CNTN5: variants seen among roughly 807,000 people sequenced by gnomAD.
CNTN5 encodes the protein contactin-5.
Under a neutral mutation model 129.1 loss-of-function variants are expected in CNTN5, and 77 were observed. The ratio of observed to expected loss-of-function variants is 0.60; its 90% CI spans 0.50 to 0.72. The LOEUF (loss-of-function observed/expected upper bound fraction) is 0.72. Ranked by LOEUF, CNTN5 falls within the 30% of genes least tolerant of loss-of-function variation. CNTN5 has a pLI of 0.00. For synonymous variants in CNTN5, 509 were observed against 465.6 expected, an observed-to-expected ratio of 1.09 and a Z score of -1.20; for missense variants, 1,478 against 1,328.8, an observed-to-expected ratio of 1.11 and a Z score of -1.75.
At chr11:100,136,855 A>G (rs1041003167) in intron 13 of CNTN5, among the ~76,000 whole-genome samples, 1 of 151,860 alleles carries the variant, frequency 6.6e-6, no homozygotes, top group African/African-American at 2.4e-5. Flanking sequence ...ATAATATGTC[A>G]TTTTATTTCA....
intron 2 of CNTN5, among the ~76,000 whole-genome samples, chr11:99,385,961 T>C (rs1940900255): frequency 6.6e-6 from 1 of 152,204 alleles, no homozygotes; most frequent in South Asian, 2.1e-4. Flanking sequence ...TGGAAAGACT[T>C]AGAGAAATTT....
chr11:99,178,981 C>T (rs1857915215), intron 1 of CNTN5, among the ~76,000 whole-genome samples: 1 of 151,914 alleles, frequency 6.6e-6, no homozygotes, highest in South Asian at 2.1e-4. Flanking sequence ...AACATAAATA[C>T]ACACAGAGAT....
At chr11:99,744,253 C>T (rs1238209160) in intron 3 of CNTN5, among the ~76,000 whole-genome samples, 1 of 151,906 alleles carries the variant, frequency 6.6e-6, no homozygotes, top group Non-Finnish European at 1.5e-5. Flanking sequence ...AGAGGAGAGA[C>T]AAGTATTAAC....
chr11:100,076,279 C>T (rs949895424), intron 13 of CNTN5, among the ~76,000 whole-genome samples: 1 of 151,954 alleles, frequency 6.6e-6, no homozygotes, highest in East Asian at 1.9e-4. Flanking sequence ...AAATGCATGA[C>T]TTTGTTTTAT....
At chr11:99,136,389 A>G (rs1244421867) in intron 1 of CNTN5, among the ~76,000 whole-genome samples, 2 of 152,162 alleles carry the variant, frequency 1.3e-5, no homozygotes, top group African/African-American at 2.4e-5. Flanking sequence ...CTCCTAAAGT[A>G]TATATCCCAA....
At chr11:99,756,038 G>A (rs1336016387) in intron 3 of CNTN5, among the ~76,000 whole-genome samples, 1 of 152,056 alleles carries the variant, frequency 6.6e-6, no homozygotes, top group East Asian at 1.9e-4. Context: ...CTGGAAGGTA[G>A]AAAAGTTGAC....
intron 1 of CNTN5, among the ~76,000 whole-genome samples, chr11:99,300,567 T>G (rs937646794): frequency 6.6e-6 from 1 of 152,112 alleles, no homozygotes; most frequent in African/African-American, 2.4e-5. Context: ...GATATTTGCC[T>G]GTAGTTTCTT....
At position 99,631,485 on chromosome 11, in the gene CNTN5, C is replaced by T. The variant is rs986829056; in HGVS notation, c.55+75216C>T. Among the ~76,000 whole-genome samples, 9 of 151,840 alleles carry T rather than the reference C, an allele frequency of 5.9e-5. No homozygotes were observed. In the East Asian group the frequency reaches 1.4e-3, roughly 23 times the overall value. ...AACATTATTGAAAATAATTATAATGCTGAAAATTGTAGTTAAACCAAACTG... is the reference window on the plus strand; with the variant it reads ...AACATTATTGAAAATAATTATAATGTTGAAAATTGTAGTTAAACCAAACTG... On this transcript the variant is annotated intron_variant, in intron 3 of 24. Transcript: ENST00000524871.
chr11:99,552,381 G>C (rs1948521030), intron 2 of CNTN5, among the ~76,000 whole-genome samples: 1 of 151,954 alleles, frequency 6.6e-6, no homozygotes, highest in African/African-American at 2.4e-5. Context: ...TGCTTCCATG[G>C]ATATGACATT....
chr11:99,184,771 G>T (rs1858254697), intron 1 of CNTN5, among the ~76,000 whole-genome samples: 1 of 151,994 alleles, frequency 6.6e-6, no homozygotes, highest in Non-Finnish European at 1.5e-5. Flanking sequence ...GGAAAATAAA[G>T]TAGCTGGTTG....
intron 2 of CNTN5, among the ~76,000 whole-genome samples, chr11:99,422,518 T>TTATA (rs71046684): frequency 3.2e-4 from 27 of 83,314 alleles, no homozygotes; most frequent in South Asian, 7.3e-4. Flanking sequence ...CTTTATATTT[T>TTATA]TATATATATA....
At chr11:99,229,659 G>C (rs1427155533) in intron 1 of CNTN5, among the ~76,000 whole-genome samples, 1 of 151,956 alleles carries the variant, frequency 6.6e-6, no homozygotes, top group Non-Finnish European at 1.5e-5. Flanking sequence ...TAAACATTTA[G>C]AGGAAATCAC....
intron 13 of CNTN5, among the ~76,000 whole-genome samples, chr11:100,107,785 C>CAAAG (rs1565247024): frequency 6.6e-6 from 1 of 151,942 alleles, no homozygotes; most frequent in East Asian, 1.9e-4. Context: ...TTCTTATTTT[C>CAAAG]AAAGACCTAC....
chr11:99,433,037 G>T (rs947519187), intron 2 of CNTN5, among the ~76,000 whole-genome samples: 1 of 151,300 alleles, frequency 6.6e-6, no homozygotes, highest in Non-Finnish European at 1.5e-5. Flanking sequence ...AGGTTTAGTG[G>T]ACTGTGTAGA....
intron 3 of CNTN5, among the ~76,000 whole-genome samples, chr11:99,575,971 C>T (rs1002611275): frequency 6.6e-6 from 1 of 152,174 alleles, no homozygotes; most frequent in Non-Finnish European, 1.5e-5. Context: ...TGGACAACTA[C>T]CACACAGAGG....
chr11:99,157,678 A>T (rs1358578471), intron 1 of CNTN5, among the ~76,000 whole-genome samples: 1 of 152,164 alleles, frequency 6.6e-6, no homozygotes, highest in Non-Finnish European at 1.5e-5. Context: ...CCATGTCTCT[A>T]TGTTAACTTT....
intron 3 of CNTN5, among the ~76,000 whole-genome samples, chr11:99,746,747 G>A (rs1474194755): frequency 1.3e-5 from 2 of 152,154 alleles, no homozygotes; most frequent in African/African-American, 4.8e-5. Context: ...TGTCTTCGAC[G>A]AAACCAGCCC....
At chr11:100,022,069 C>T (rs1304152018) in intron 9 of CNTN5, among the ~76,000 whole-genome samples, 2 of 152,128 alleles carry the variant, frequency 1.3e-5, no homozygotes, top group Admixed American at 6.6e-5. Flanking sequence ...GGGTCTTCCT[C>T]TCCCAGTCCA....
At chr11:99,907,874 A>C (rs1242660748) in intron 6 of CNTN5, among the ~76,000 whole-genome samples, 1 of 152,086 alleles carries the variant, frequency 6.6e-6, no homozygotes, top group East Asian at 1.9e-4. Context: ...AATTATCAAA[A>C]TATAACATAT....
Sources: allele counts gnomAD v4.1 joint callset (sites outside exome capture counted in the v4.1 genomes callset), GRCh38; gene constraint gnomAD v4.1.1; transcripts MANE v1.5; gene names NCBI Gene and HGNC (gene_info 2026-07-23, HGNC 2026-07-21).